The following FLT1 variants were observed in gnomAD, a reference collection of about 807,000 sequenced individuals.
FLT1 encodes vascular endothelial growth factor receptor 1.
Under a neutral mutation model 156.3 loss-of-function variants are expected in FLT1, and 49 were observed. The ratio of observed to expected loss-of-function variants is 0.31; its 90% CI spans 0.25 to 0.40. The LOEUF is 0.40. Ranked by LOEUF, FLT1 falls within the 10% of genes least tolerant of loss-of-function variation. The probability of loss-of-function intolerance (pLI) is 1.00; values close to 1 mark genes in which losing one functional copy is unlikely to be tolerated. For missense variants in FLT1, 1,322 were observed against 1,637.2 expected, an observed-to-expected ratio of 0.81 and a Z score of 3.32; for synonymous variants, 594 against 583.8, an observed-to-expected ratio of 1.02 and a Z score of -0.25.
In FLT1 at chr13:28,329,694, C is replaced by A; in HGVS notation, c.2628G>T (p.Met876Ile). The change falls in exon 19 of 30, where the codon ATG becomes ATT. Residue 876 changes from methionine (M) to isoleucine (I), a missense_variant. Met to Ile is a conservative substitution (Grantham distance 10). This residue lies in a region of FLT1 where 991 missense variants were observed against 1,254.8 expected (regional missense o/e 0.79). Coordinates refer to ENST00000282397, the MANE Select transcript of FLT1 (RefSeq NM_002019.4). Reference sequence around the variant, plus strand: ...TGTGGGTCAAGATTTTTAGCTCAGTCATCAGAGCTTTGTACTCGCTGGCCG... The same window carrying A: ...TGTGGGTCAAGATTTTTAGCTCAGTAATCAGAGCTTTGTACTCGCTGGCCG... ...GATASEYKALMTELKILTHIG... is the reference protein window; with the variant it reads ...GATASEYKALITELKILTHIG... 1 of 1,614,174 alleles carries A rather than the reference C, an allele frequency of 6.2e-7. No individual in the cohort carries two copies. The highest frequency in any genetic ancestry group is 1.1e-5 in the South Asian group (1 of 91,074).
intron 18 of FLT1, among the ~76,000 whole-genome samples, chr13:28,331,477 C>G (rs1871928259): frequency 6.6e-6 from 1 of 152,252 alleles, no homozygotes; most frequent in Non-Finnish European, 1.5e-5. Flanking sequence ...GTCACCCAGG[C>G]TGGAGTGCAG....
chr13:28,476,806 T>A (rs1205805770), intron 1 of FLT1, among the ~76,000 whole-genome samples: 1 of 152,238 alleles, frequency 6.6e-6, no homozygotes, highest in Non-Finnish European at 1.5e-5. Flanking sequence ...TTCTCCGCAA[T>A]TATGTTCATT....
chr13:28,398,649 A>G (rs755347234), intron 11 of FLT1, among the ~76,000 whole-genome samples: 3 of 152,144 alleles, frequency 2.0e-5, no homozygotes, highest in Admixed American at 6.5e-5. Flanking sequence ...GCTTAATTAC[A>G]CCTACCCATA....
chr13:28,397,056 A>C lies in FLT1; in HGVS notation c.1564T>G (p.Leu522Val). ...IEGKNKMAST[L>V]VVADSRISGI... ...GAAATTCTAGAGTCAGCCACAACCA[A>C]GGTGCTAGCCATCTGCAAAAGAAAA... The change falls in exon 12 of 30, where the codon TTG (leucine) becomes GTG (valine). Residue 522 changes from leucine (L) to valine (V), a missense_variant. Leu to Val is a conservative substitution (Grantham distance 32). Coordinates refer to ENST00000282397, the MANE Select transcript of FLT1 (RefSeq NM_002019.4). 4 of 1,611,454 alleles carry C rather than the reference A, an allele frequency of 2.5e-6. No homozygotes were observed. Among genetic ancestry groups the C allele is most frequent in the Non-Finnish European group, 3.4e-6 (4 of 1,177,624 alleles).
intron 28 of FLT1, among the ~76,000 whole-genome samples, chr13:28,307,399 C>T (rs1337765776): frequency 1.3e-5 from 2 of 152,032 alleles, no homozygotes; most frequent in Non-Finnish European, 2.9e-5. Context: ...TCCTTAATTA[C>T]GAGTAAACAC....
intron 14 of FLT1, among the ~76,000 whole-genome samples, chr13:28,378,407 T>C (rs1873938563): frequency 1.3e-5 from 2 of 152,346 alleles, no homozygotes; most frequent in Middle Eastern, 3.4e-3. Context: ...TACATGTTTA[T>C]TGGTGCCCAC....
chr13:28,359,900 C>A (rs937021114), intron 14 of FLT1, among the ~76,000 whole-genome samples: 4 of 152,126 alleles, frequency 2.6e-5, no homozygotes, highest in African/African-American at 9.7e-5. Context: ...CATCTGAGGT[C>A]AAGAGTTCAA....
At chr13:28,339,589 C>A (rs1872251524) in intron 16 of FLT1, among the ~76,000 whole-genome samples, 1 of 152,178 alleles carries the variant, frequency 6.6e-6, no homozygotes, top group South Asian at 2.1e-4. Context: ...TGTACTTGAT[C>A]TTAAACAATT....
Position 28,303,503 on chromosome 13 carries a change from CT to C in FLT1, c.3816-136del, listed in dbSNP as rs1415885896. ...TTCATGGTTTTGGAACCCCCCCCCC[CT>C]CAATTGCTGTCAGATTTCCTCTGTT... is the stretch of plus-strand genomic sequence containing the variant. On this transcript the variant is annotated intron_variant, in intron 29 of 29. Transcript: ENST00000282397. 7.8e-3 allele frequency: 5,874 copies of C among 752,458 alleles called. 8 individuals are homozygous for C. The highest frequency in any genetic ancestry group is 0.016 in the African/African-American group (905 of 57,014). 46.6% of individuals were successfully genotyped at this position (752,458 alleles called of 1,614,324 possible). A position where few individuals can be genotyped will look rare whatever the true frequency, so the allele number is the denominator to read the frequency against.
At position 28,300,495 on chromosome 13, in the gene FLT1, T is replaced by C. The variant is rs1870458433; in HGVS notation, c.*2672A>G. On this transcript the variant is annotated 3_prime_UTR_variant, in exon 30 of 30. Transcript: ENST00000282397. ...ACTTTAAAATTCCAGTTTCCTTAAA[T>C]AGTTATGCACAAAACACACATACAC... The C allele has an allele frequency of 4.4e-6, 1 of 228,900 alleles. No individual in the cohort carries two copies. The highest frequency in any genetic ancestry group is 8.5e-6 in the Non-Finnish European group (1 of 117,440). The allele number at this position is 228,900 out of a possible 1,614,324, so 14.2% of individuals were successfully genotyped here. A position where few individuals can be genotyped will look rare whatever the true frequency, so the allele number is the denominator to read the frequency against.
At chr13:28,438,132 G>T in intron 4 of FLT1, 89 bp downstream of exon 4, 2 of 1,367,624 alleles carry the variant, frequency 1.5e-6, no homozygotes, top group Non-Finnish European at 2.1e-6. Context: ...TGTTTGTAAG[G>T]AAATTATTCC....
chr13:28,346,758 T>C (rs1872581504), intron 15 of FLT1, among the ~76,000 whole-genome samples: 1 of 152,162 alleles, frequency 6.6e-6, no homozygotes, highest in Non-Finnish European at 1.5e-5. Flanking sequence ...TAGATGTTTA[T>C]ATTAAGGTGG....
intron 3 of FLT1, among the ~76,000 whole-genome samples, chr13:28,454,980 A>C (rs377217161): frequency 2.6e-5 from 4 of 152,238 alleles, no homozygotes. Flanking sequence ...GGAAAACTAC[A>C]AAACTATGAT....
At chr13:28,482,158 G>A (rs569787011) in intron 1 of FLT1, among the ~76,000 whole-genome samples, 6 of 152,280 alleles carry the variant, frequency 3.9e-5, no homozygotes, top group African/African-American at 1.4e-4. Context: ...AGTTGTGGGA[G>A]AAAATACAGA....
intron 13 of FLT1, chr13:28,389,332 C>A (rs1345858916): frequency 2.4e-6 from 3 of 1,225,026 alleles, no homozygotes; most frequent in Non-Finnish European, 3.1e-6. Flanking sequence ...TTGGCAGAAA[C>A]CAGCATTTGT....
At chr13:28,371,544 T>C (rs1001602492) in intron 14 of FLT1, among the ~76,000 whole-genome samples, 1 of 152,166 alleles carries the variant, frequency 6.6e-6, no homozygotes, top group African/African-American at 2.4e-5. Flanking sequence ...AGTGCTTGTG[T>C]TCACAGAACA....
rs560117473 is a variant in FLT1, at chr13:28,339,024, T to C, written c.2488+144A>G. ...GCATTGCATTGGAATTATTTACTTTTGTGTCCATCTCCCTTGCTAGTCTGT... is the reference window on the plus strand; with the variant it reads ...GCATTGCATTGGAATTATTTACTTTCGTGTCCATCTCCCTTGCTAGTCTGT... On this transcript the variant is annotated intron_variant, in intron 17 of 29. Transcript: ENST00000282397. 35 of 686,964 alleles carry C rather than the reference T, an allele frequency of 5.1e-5. 1 individual carries two copies. The highest frequency in any genetic ancestry group is 3.9e-4 in the South Asian group (21 of 53,920). The allele number at this position is 686,964 out of a possible 1,614,324, so 42.6% of individuals were successfully genotyped here.
At chr13:28,438,921 G>T (rs143629642) in intron 3 of FLT1, among the ~76,000 whole-genome samples, 2,161 of 152,308 alleles carry the variant, frequency 0.014, 23 homozygotes, top group Non-Finnish European at 0.022. Context: ...TTAGGGGGAG[G>T]CGGACAGGCC....
intron 1 of FLT1, among the ~76,000 whole-genome samples, chr13:28,482,764 A>T (rs1451689572): frequency 6.6e-6 from 1 of 152,256 alleles, no homozygotes; most frequent in Non-Finnish European, 1.5e-5. Context: ...ACTAAGTTTA[A>T]TGTCAGTCTC....
Sources: gnomAD v4.1 joint callset for allele counts (sites outside exome capture counted in the v4.1 genomes callset) on GRCh38, gnomAD v4.1.1 for gene constraint, gnomAD v4.1.1 regional missense constraint, MANE v1.5 for transcripts, NCBI Gene and HGNC (gene_info 2026-07-23, HGNC 2026-07-21) for gene names.